The following TJP1 variants were observed in gnomAD, a reference collection of about 807,000 sequenced individuals.
TJP1 encodes tight junction protein ZO-1.
TJP1 carries 43 observed loss-of-function variants against 194.2 expected under a neutral mutation model. The observed-to-expected ratio is 0.22, with a 90% CI of 0.17 to 0.29. The LOEUF (loss-of-function observed/expected upper bound fraction) is 0.29. Ranked by LOEUF, TJP1 falls within the 10% of genes least tolerant of loss-of-function variation. The probability of loss-of-function intolerance (pLI) is 1.00; values close to 1 mark genes in which losing one functional copy is unlikely to be tolerated. For synonymous variants in TJP1, 801 were observed against 779.0 expected (o/e 1.03, Z -0.47); for missense variants, 1,971 against 2,185.7 (o/e 0.90, Z 1.96).
At chr15:29,716,882 AATGT>A (rs1190802650) in intron 22 of TJP1, 44 bp from the exon 23 acceptor site, 3 of 1,492,358 alleles carry the variant, frequency 2.0e-6, no homozygotes, top group Non-Finnish European at 2.8e-6. Flanking sequence ...TTTAAATATT[AATGT>A]TATGAAGGAA....
chr15:29,720,230 CAAATTG>C (rs773648134), intron 19 of TJP1, 122 bp downstream of exon 19: 1 of 1,126,036 alleles, frequency 8.9e-7, no homozygotes, highest in Non-Finnish European at 1.2e-6. Flanking sequence ...TTGGTACTCT[CAAATTG>C]AAATTGAAGA....
chr15:29,845,985 T>C (rs2051392369), intron 2 of TJP1, among the ~76,000 whole-genome samples: 1 of 152,084 alleles, frequency 6.6e-6, no homozygotes, highest in South Asian at 2.1e-4. Context: ...GCTACACATA[T>C]GCATGGGCAC....
chr15:29,904,952 A>G lies in TJP1; in HGVS notation c.306+51280T>C, dbSNP rs146811960. Among the ~76,000 whole-genome samples the G allele has an allele frequency of 1.1e-3, 165 of 152,380 alleles. 4 individuals carry two copies. Among genetic ancestry groups the G allele is most frequent in the African/African-American group, 3.8e-3 (160 of 41,598 alleles). On this transcript the variant is annotated intron_variant, in intron 2 of 28. Transcript: ENST00000356107. ...AACACCAATAGGAACTGCAGCCGCC[A>G]GAAACTAGGAAGAGGCAAGGACAGA...
In TJP1 at chr15:29,822,454, C is replaced by A; in HGVS notation, c.-426G>T. The A allele has an allele frequency of 1.0e-6, 1 of 986,588 alleles. No individual in the cohort carries two copies. Among genetic ancestry groups the A allele is most frequent in the Non-Finnish European group, 1.2e-6 (1 of 830,864 alleles). 61.1% of individuals were successfully genotyped at this position (986,588 alleles called of 1,614,324 possible). ...CGTCCGCTGGCTCAGCCGGCGCCGG[C>A]AACTCAGCGGCCACGCAAACCTGCC... On this transcript the variant is annotated 5_prime_UTR_variant, in exon 1 of 28. Transcript: ENST00000614355.
chr15:29,800,487 C>A, intron 2 of TJP1, 159 bp downstream of exon 2: 7 of 654,596 alleles, frequency 1.1e-5, no homozygotes, highest in Non-Finnish European at 1.6e-5. Context: ...TCACTTTTGA[C>A]CTTAATAAAA....
chr15:29,804,881 G>A (rs2151911365), intron 1 of TJP1, among the ~76,000 whole-genome samples: 1 of 152,246 alleles, frequency 6.6e-6, no homozygotes. Context: ...TGGTAAACAG[G>A]AAATGAACTA....
Position 29,741,402 on chromosome 15 carries a change from T to A in TJP1, c.1185A>T (p.Pro395=). 1 of 1,605,828 alleles carries A rather than the reference T, an allele frequency of 6.2e-7. No individual in the cohort carries two copies. ...ATGGACTGACAGGTAAATCCACATC[T>A]GGTTGCCCAACTTGGGCATACACAG... ...PKPVYAQVGQ[P]DVDLPVSPSD... Residue 395 remains proline (P), a synonymous_variant, in exon 10 of 28, where the codon CCA becomes CCT. Transcript: ENST00000614355.
rs2041532025 is a variant in TJP1 at position 29,701,418 on chromosome 15, A to G, written c.*177T>C. ...CAATCACAAACATGCAGTGTGTAGC[A>G]TGTTTTCCGACCATGGTTCAGGGGC... On this transcript the variant is annotated 3_prime_UTR_variant, in exon 28 of 28. Transcript: ENST00000614355. 1 of 533,758 alleles carries G rather than the reference A, an allele frequency of 1.9e-6. No homozygotes were observed. Among genetic ancestry groups the G allele is most frequent in the Non-Finnish European group, 3.3e-6 (1 of 299,862 alleles). 33.1% of individuals were successfully genotyped at this position (533,758 alleles called of 1,614,324 possible). A position where few individuals can be genotyped will look rare whatever the true frequency, so the allele number is the denominator to read the frequency against.
chr15:29,780,006 A>C lies in TJP1; in HGVS notation c.85-6649T>G, dbSNP rs530971614. ...CACCTCCCGAAGGAAAAAAAAAAAA[A>C]CCACCACAAATTACAGGCAAAAATG... is the stretch of plus-strand genomic sequence containing the variant. On this transcript the variant is annotated intron_variant, in intron 2 of 27. Transcript: ENST00000614355. Among the ~76,000 whole-genome samples the C allele has an allele frequency of 2.3e-3, 356 of 151,836 alleles. 2 individuals are homozygous for C. The highest frequency in any genetic ancestry group is 7.8e-3 in the African/African-American group (325 of 41,406).
intron 2 of TJP1, among the ~76,000 whole-genome samples, chr15:29,949,466 A>ACCC (rs2055481884): frequency 9.3e-6 from 1 of 107,082 alleles, no homozygotes; most frequent in African/African-American, 4.0e-5. Context: ...CACTTCCACC[A>ACCC]CCACCACCTC....
intron 2 of TJP1, among the ~76,000 whole-genome samples, chr15:29,949,095 C>G (rs1404824665): frequency 6.6e-6 from 1 of 151,152 alleles, no homozygotes; most frequent in Non-Finnish European, 1.5e-5. Context: ...TCCTTCACCA[C>G]CACCTCCACC....
chr15:29,752,548 A>T (rs2045358276), intron 8 of TJP1, among the ~76,000 whole-genome samples: 1 of 152,166 alleles, frequency 6.6e-6, no homozygotes, highest in Admixed American at 6.5e-5. Flanking sequence ...TTAACTAGAG[A>T]AACTTAATCA....
chr15:29,900,951 T>G (rs1275909821), intron 2 of TJP1, among the ~76,000 whole-genome samples: 4 of 152,096 alleles, frequency 2.6e-5, no homozygotes, highest in Admixed American at 2.6e-4. Context: ...AAGGGAATGA[T>G]TGACTCAGAG....
At chr15:29,720,139 T>A in intron 19 of TJP1, 123 bp from the exon 20 acceptor site, 1 of 1,345,880 alleles carries the variant, frequency 7.4e-7, no homozygotes, top group Non-Finnish European at 9.9e-7. Context: ...TATGACCTCA[T>A]GTCCTAAACT....
At chr15:29,966,897 C>T (rs2056352881) in intron 1 of TJP1, among the ~76,000 whole-genome samples, 1 of 152,178 alleles carries the variant, frequency 6.6e-6, no homozygotes, top group African/African-American at 2.4e-5. Context: ...ACCCCTTCTT[C>T]CTTCACTGTA....
rs539510819 is a variant in TJP1 at position 29,737,312 on chromosome 15, A to G, written c.1359T>C (p.Asp453=). 8 of 1,614,194 alleles carry G rather than the reference A, an allele frequency of 5.0e-6. No individual in the cohort carries two copies. In the East Asian group the frequency reaches 1.3e-4, roughly 27 times the overall value. The change falls in exon 11 of 28, where the codon GAT becomes GAC. Residue 453 remains aspartate (D), a synonymous_variant. Transcript: ENST00000614355. ...VGIFVAGVLE[D]SPAAKEGLEE... Reference sequence around the variant, plus strand: ...CTAAGCCTTCCTTGGCTGCAGGGCTATCTTCTAGAACGCCAGCTACAAATA... The same window carrying G: ...CTAAGCCTTCCTTGGCTGCAGGGCTGTCTTCTAGAACGCCAGCTACAAATA...
At position 29,773,343 on chromosome 15, in the gene TJP1, T is replaced by A; in HGVS notation, c.99A>T (p.Gly33=). 6.2e-7 allele frequency: 1 copy of A among 1,613,662 alleles called. No individual in the cohort carries two copies. The highest frequency in any genetic ancestry group is 8.5e-7 in the Non-Finnish European group (1 of 1,179,790). ...GTCCACCAGATATTGCAATTCCAAA[T>A]CCAAATCCAGGAGCCTAAAGTAAAA... The part of the protein sequence containing the change: ...TVTLHRAPGF[G]FGIAISGGRD... The change falls in exon 3 of 28, where the codon GGA becomes GGT. Residue 33 remains glycine (G), a synonymous_variant. Coordinates refer to ENST00000614355, the MANE Select transcript of TJP1 (RefSeq NM_001330239.4).
Position 29,932,137 on chromosome 15 carries a change from G to A in TJP1, c.306+24095C>T, listed in dbSNP as rs145694027. ...TCCTGTGACTTAGAATGCTTTAACC[G>A]TCTGGGAATGCAGCCCAGTAAATCT... On this transcript the variant is annotated intron_variant, in intron 2 of 28. Transcript: ENST00000356107. Among the ~76,000 whole-genome samples the A allele has an allele frequency of 5.1e-3, 781 of 152,218 alleles. 5 individuals carry two copies. Among genetic ancestry groups the A allele is most frequent in the African/African-American group, 0.018 (744 of 41,514 alleles).
chr15:29,910,458 T>C (rs2053977295), intron 2 of TJP1, among the ~76,000 whole-genome samples: 1 of 152,264 alleles, frequency 6.6e-6, no homozygotes, highest in South Asian at 2.1e-4. Flanking sequence ...TCCCTTAGCC[T>C]TTCCACTTTG....
Sources: allele counts gnomAD v4.1 joint callset (sites outside exome capture counted in the v4.1 genomes callset), GRCh38; gene constraint gnomAD v4.1.1; transcripts MANE v1.5; gene names NCBI Gene and HGNC (gene_info 2026-07-23, HGNC 2026-07-21).